The following MEGF6 variants were observed in gnomAD, a reference collection of about 807,000 sequenced individuals.
MEGF6 encodes multiple epidermal growth factor-like domains protein 6.
MEGF6 carries 184 observed loss-of-function variants against 207.1 expected under a neutral mutation model. That is an observed-to-expected ratio of 0.89 (90% confidence interval 0.79 to 1.00). MEGF6 has a LOEUF of 1.00. MEGF6 is among the 50% of genes least tolerant of loss of function. The pLI is 0.00. For synonymous variants in MEGF6, 1,038 were observed against 910.0 expected, an observed-to-expected ratio of 1.14 and a Z score of -2.53; for missense variants, 2,282 against 2,202.9, an observed-to-expected ratio of 1.04 and a Z score of -0.72.
intron 4 of MEGF6, among the ~76,000 whole-genome samples, chr1:3,559,936 G>A (rs888960891): frequency 1.3e-5 from 2 of 149,678 alleles, no homozygotes; most frequent in Non-Finnish European, 3.0e-5. Context: ...GCATGAACCC[G>A]GGAGGCGGAG....
intron 3 of MEGF6, among the ~76,000 whole-genome samples, chr1:3,588,650 TCGAGGGCCAGGCAGGCTG>T (rs1199907056): frequency 2.6e-5 from 4 of 151,214 alleles, no homozygotes; most frequent in African/African-American, 9.7e-5. Context: ...TGCCCCAGAG[TCGAGGGCCAGGCAGGCTG>T]GGCACAGAGA....
At position 3,501,272 on chromosome 1, in the gene MEGF6, T is replaced by C. The variant is rs778120964; in HGVS notation, c.2351A>G (p.Glu784Gly). Reference sequence around the variant, plus strand: ...AGCGTGCTGGCATGCTGGGCAGATCTCCTGGCAGCCCAGCCCCCAGCGGCC... The same window carrying C: ...AGCGTGCTGGCATGCTGGGCAGATCCCCTGGCAGCCCAGCCCCCAGCGGCC... ...PEGRWGLGCQ[E>G]ICPACQHAAR... The change falls in exon 19 of 37, where the codon GAG (glutamate) becomes GGG (glycine). Residue 784 changes from glutamate to glycine, a missense_variant. Transcript: ENST00000356575. 101 of 1,606,666 alleles carry C rather than the reference T, an allele frequency of 6.3e-5. No homozygotes were observed. The South Asian group carries it at 1.0e-3, about 16-fold the overall frequency.
At position 3,514,600 on chromosome 1, in the gene MEGF6, C is replaced by A; in HGVS notation, c.803G>T (p.Cys268Phe). 1 of 1,581,894 alleles carries A rather than the reference C, an allele frequency of 6.3e-7. No homozygotes were observed. Among genetic ancestry groups the A allele is most frequent in the Non-Finnish European group, 8.6e-7 (1 of 1,166,300 alleles). ...TAGCTGATAGCCCACGTGGCACTCA[C>A]AGCGGGCGAGGCCCCGGACCACCTG... is the stretch of plus-strand genomic sequence containing the variant. ...RCQVVRGLAR[C>F]ECHVGYQLAA... is the part of the protein sequence containing the mutation. The change falls in exon 7 of 37, where the codon TGT (cysteine) becomes TTT (phenylalanine). Residue 268 changes from cysteine (C) to phenylalanine (F), a missense_variant. Physicochemically the swap from Cys to Phe is radical, Grantham distance 205. Coordinates refer to ENST00000356575, the MANE Select transcript of MEGF6 (RefSeq NM_001409.4).
In MEGF6 at chr1:3,539,148, C is replaced by T. The variant is rs542358040; in HGVS notation, c.482-14902G>A. Reference sequence around the variant, plus strand: ...GGCCGAATCCAGTGATCAAGGGTGCCCTGGGGAAGAGATGGGGCGTGGTGG... The same window carrying T: ...GGCCGAATCCAGTGATCAAGGGTGCTCTGGGGAAGAGATGGGGCGTGGTGG... On this transcript the variant is annotated intron_variant, in intron 4 of 36. Coordinates refer to ENST00000356575, the MANE Select transcript of MEGF6 (RefSeq NM_001409.4). Among the ~76,000 whole-genome samples the T allele has an allele frequency of 4.3e-4, 66 of 152,194 alleles. No homozygotes were observed. The East Asian group carries it at 8.5e-3, about 20-fold the overall frequency.
intron 1 of MEGF6, among the ~76,000 whole-genome samples, chr1:3,608,105 A>C (rs1328894629): frequency 6.6e-6 from 1 of 151,848 alleles, no homozygotes; most frequent in African/African-American, 2.4e-5. Flanking sequence ...CCTCGCGCTT[A>C]TTTTTAAAGG....
Position 3,573,419 on chromosome 1 carries a change from C to T in MEGF6, c.481+6406G>A, listed in dbSNP as rs115162373. 4.6e-5 allele frequency among the ~76,000 whole-genome samples: 7 copies of T among 152,318 alleles called. No individual in the cohort carries two copies. The highest frequency in any genetic ancestry group is 4.1e-4 in the South Asian group (2 of 4,832). ...GCTTGGCTGCACCCAAAGGTAAGCA[C>T]GGGAAACAGTGCGGGGAGCCTGGAA... On this transcript the variant is annotated intron_variant, in intron 4 of 36. Coordinates refer to ENST00000356575, the MANE Select transcript of MEGF6 (RefSeq NM_001409.4). This position sits in a 1 kb window ranked among gnomAD's most constrained non-coding sequence, Gnocchi z 5.1.
chr1:3,513,965 T>G (rs1308148663), intron 7 of MEGF6, among the ~76,000 whole-genome samples: 1 of 151,670 alleles, frequency 6.6e-6, no homozygotes, highest in Non-Finnish European at 1.5e-5. Flanking sequence ...TACAATAGTT[T>G]AGGCCAGGTG....
intron 4 of MEGF6, among the ~76,000 whole-genome samples, chr1:3,552,586 T>G (rs1297767806): frequency 6.6e-6 from 1 of 152,176 alleles, no homozygotes; most frequent in Non-Finnish European, 1.5e-5. Flanking sequence ...TCCCAGCTAC[T>G]CGGAGGCTAA....
At chr1:3,553,197 C>T (rs1048204946) in intron 4 of MEGF6, among the ~76,000 whole-genome samples, 1 of 150,976 alleles carries the variant, frequency 6.6e-6, no homozygotes, top group South Asian at 2.1e-4. Flanking sequence ...TTCCTTCCCT[C>T]CCTGGCTCCA....
At chr1:3,532,797 G>A (rs1265783231) in intron 4 of MEGF6, among the ~76,000 whole-genome samples, 2 of 152,234 alleles carry the variant, frequency 1.3e-5, no homozygotes, top group African/African-American at 4.8e-5. Context: ...CACGGGTAGA[G>A]CTGTGGGGAA....
At chr1:3,496,161 G>A in intron 29 of MEGF6, 143 bp from the exon 30 acceptor site, 1 of 1,244,182 alleles carries the variant, frequency 8.0e-7, no homozygotes, top group Non-Finnish European at 1.1e-6. Context: ...CAACTCTCAT[G>A]CACCCACCCT....
chr1:3,496,439 T>C (rs941360909), intron 29 of MEGF6, among the ~76,000 whole-genome samples: 3 of 152,268 alleles, frequency 2.0e-5, no homozygotes, highest in Non-Finnish European at 2.9e-5. Context: ...GGGGCAGAGC[T>C]AGCAGAAGCC....
chr1:3,518,023 G>A (rs765824993), intron 5 of MEGF6, among the ~76,000 whole-genome samples: 1 of 152,200 alleles, frequency 6.6e-6, no homozygotes, highest in East Asian at 1.9e-4. Flanking sequence ...CTGGAGTCTT[G>A]TTCTGCCAAG....
At chr1:3,619,606 C>T in the MEGF6 span, among the ~76,000 whole-genome samples, 34 of 41,210 alleles carry the variant, frequency 8.3e-4, no homozygotes, top group Admixed American at 4.4e-3. Context: ...TGTGGCACTT[C>T]CCGCCCCCGT....
intron 2 of MEGF6, among the ~76,000 whole-genome samples, chr1:3,599,496 T>C (rs562508485): frequency 6.6e-5 from 10 of 152,342 alleles, no homozygotes; most frequent in African/African-American, 2.4e-4. Flanking sequence ...TCGGGGACAC[T>C]GTCCTGACAA....
rs748827185 is a variant in MEGF6, at chr1:3,494,726, C to T, written c.3887G>A (p.Arg1296Gln). Residue 1296 changes from arginine (R) to glutamine (Q), a missense_variant, in exon 31 of 37, where the codon CGG (arginine) becomes CAG (glutamine). Transcript: ENST00000356575. ...VRCERGCPQN[R>Q]FGVGCEHTCS... ...GGTGTGCTCGCAGCCCACGCCAAACCGGTTCTGGGGGCAGCCTGGAGACAG... is the reference window on the plus strand; with the variant it reads ...GGTGTGCTCGCAGCCCACGCCAAACTGGTTCTGGGGGCAGCCTGGAGACAG... The T allele has an allele frequency of 2.1e-5, 33 of 1,587,006 alleles. No individual in the cohort carries two copies. The highest frequency in any genetic ancestry group is 2.1e-4 in the Middle Eastern group (1 of 4,860).
chr1:3,609,723 G>A (rs1644300111), intron 1 of MEGF6, among the ~76,000 whole-genome samples: 1 of 152,330 alleles, frequency 6.6e-6, no homozygotes, highest in Non-Finnish European at 1.5e-5. Context: ...CCCGAGCCCA[G>A]GTGCAGAGGC....
At chr1:3,495,702 C>T (rs191577152) in intron 30 of MEGF6, among the ~76,000 whole-genome samples, 188 bp downstream of exon 30, 234 of 152,314 alleles carry the variant, frequency 1.5e-3, no homozygotes, top group Non-Finnish European at 2.7e-3. Context: ...TCCATTCCCC[C>T]AAGCAGGGCA....
intron 3 of MEGF6, among the ~76,000 whole-genome samples, chr1:3,591,499 T>C (rs992643494): frequency 3.9e-5 from 6 of 152,208 alleles, no homozygotes. Context: ...GAGCTCTTAC[T>C]GTATACAGGC....
Sources: gnomAD v4.1 joint callset for allele counts (sites outside exome capture counted in the v4.1 genomes callset) on GRCh38, gnomAD v4.1.1 for gene constraint, Gnocchi (gnomAD v3.1) non-coding constraint, MANE v1.5 for transcripts, NCBI Gene and HGNC (gene_info 2026-07-23, HGNC 2026-07-21) for gene names.